The following RYR2 variants were observed in gnomAD, a reference collection of about 807,000 sequenced individuals.
The protein encoded by RYR2 is cardiac muscle ryanodine receptor-calcium release channel.
A neutral mutation model predicts 601.1 loss-of-function variants in RYR2; 227 were observed. The ratio of observed to expected loss-of-function variants is 0.38; its 90% CI spans 0.34 to 0.42. RYR2 has a LOEUF of 0.42. RYR2 is among the 10% of genes least tolerant of loss of function. RYR2 has a pLI of 1.00. For missense variants in RYR2, 4,646 were observed against 6,156.5 expected (o/e 0.75, Z 8.21); for synonymous variants, 2,223 against 2,175.1 (o/e 1.02, Z -0.61).
chr1:237,599,110 TAGTG>T (rs1676213142), intron 34 of RYR2, among the ~76,000 whole-genome samples: 1 of 152,192 alleles, frequency 6.6e-6, no homozygotes, highest in Non-Finnish European at 1.5e-5. Context: ...AGCAGATTAA[TAGTG>T]AGTGAGGAAA....
intron 1 of RYR2, among the ~76,000 whole-genome samples, chr1:237,237,300 A>C (rs901826899): frequency 6.6e-6 from 1 of 152,202 alleles, no homozygotes; most frequent in African/African-American, 2.4e-5. Context: ...GTTATTTACT[A>C]CAGTGTTCCT....
chr1:237,072,021 C>T (rs1448285613), intron 1 of RYR2, among the ~76,000 whole-genome samples: 2 of 152,222 alleles, frequency 1.3e-5, no homozygotes, highest in African/African-American at 2.4e-5. Flanking sequence ...AGGGAGCAGG[C>T]ACTTCTGACC....
chr1:237,488,748 A>G (rs1572555186), intron 17 of RYR2, among the ~76,000 whole-genome samples: 1 of 152,016 alleles, frequency 6.6e-6, no homozygotes, highest in African/African-American at 2.4e-5. Flanking sequence ...TGTACTTTGT[A>G]CACCTACCCC....
At chr1:237,710,358 T>C (rs1465831735) in intron 70 of RYR2, among the ~76,000 whole-genome samples, 1 of 152,174 alleles carries the variant, frequency 6.6e-6, no homozygotes, top group Non-Finnish European at 1.5e-5. Context: ...ATCTTACCAG[T>C]TTACTTAATC....
At chr1:237,429,057 G>T (rs1706511069) in intron 12 of RYR2, among the ~76,000 whole-genome samples, 1 of 152,066 alleles carries the variant, frequency 6.6e-6, no homozygotes, top group South Asian at 2.1e-4. Flanking sequence ...GACTTGAGCG[G>T]GACTGGGAAC....
At chr1:237,668,808 C>T (rs944088035) in intron 58 of RYR2, among the ~76,000 whole-genome samples, 1 of 152,132 alleles carries the variant, frequency 6.6e-6, no homozygotes, top group African/African-American at 2.4e-5. Context: ...GCACCAAGCA[C>T]TAGGAAACAG....
At chr1:237,469,269 A>AAC in intron 17 of RYR2, 82 bp downstream of exon 17, 1 of 796,968 alleles carries the variant, frequency 1.3e-6, no homozygotes, top group Non-Finnish European at 1.8e-6. Flanking sequence ...AAAAAAAAAA[A>AAC]AAAAAAAAAA....
intron 1 of RYR2, among the ~76,000 whole-genome samples, chr1:237,071,917 C>T (rs1051723623): frequency 3.9e-5 from 6 of 152,240 alleles, no homozygotes; most frequent in Admixed American, 6.5e-5. Flanking sequence ...CTGCCTTGAG[C>T]GTGGGTATAC....
chr1:237,737,933 C>T (rs1691289168), intron 79 of RYR2, among the ~76,000 whole-genome samples: 1 of 152,186 alleles, frequency 6.6e-6, no homozygotes, highest in South Asian at 2.1e-4. Context: ...CAGTGATTTG[C>T]TTGATAACCC....
chr1:237,404,343 T>C (rs1047263481), intron 10 of RYR2, among the ~76,000 whole-genome samples: 4 of 152,216 alleles, frequency 2.6e-5, no homozygotes, highest in Admixed American at 2.0e-4. Flanking sequence ...ATGGTGGTTC[T>C]TGCATGGTCT....
chr1:237,497,848 G>T (rs1664235205), intron 20 of RYR2, among the ~76,000 whole-genome samples: 1 of 151,852 alleles, frequency 6.6e-6, no homozygotes, highest in African/African-American at 2.4e-5. Flanking sequence ...GCTGTATTTT[G>T]ATTTTTTGTG....
At chr1:237,399,827 A>T (rs1703185261) in intron 10 of RYR2, among the ~76,000 whole-genome samples, 1 of 152,124 alleles carries the variant, frequency 6.6e-6, no homozygotes, top group African/African-American at 2.4e-5. Flanking sequence ...GGGTATAGGT[A>T]ACCAAGTGAA....
At chr1:237,474,772 C>T (rs548632056) in intron 17 of RYR2, among the ~76,000 whole-genome samples, 1 of 152,250 alleles carries the variant, frequency 6.6e-6, no homozygotes, top group African/African-American at 2.4e-5. Flanking sequence ...AGGCTGCAGC[C>T]ATCTGCCAGC....
chr1:237,631,613 A>ATTTTTTTTCTTTTTTTT (rs1680264532), intron 42 of RYR2, 72 bp downstream of exon 42: 1 of 191,274 alleles, frequency 5.2e-6, no homozygotes, highest in African/African-American at 6.8e-5. Context: ...TAGAATGCAG[A>ATTTTTTTTCTTTTTTTT]TTTTTTTTTT....
chr1:237,210,116 G>C (rs1219050506), intron 1 of RYR2, among the ~76,000 whole-genome samples: 1 of 151,674 alleles, frequency 6.6e-6, no homozygotes, highest in Non-Finnish European at 1.5e-5. Flanking sequence ...TGCATATATT[G>C]TTCTTTTATT....
intron 10 of RYR2, among the ~76,000 whole-genome samples, chr1:237,416,761 C>CAGAGAGAGAGAGAGAGAGAGAG (rs572524939): frequency 6.8e-6 from 1 of 147,090 alleles, no homozygotes; most frequent in African/African-American, 2.5e-5. Context: ...CACACACACA[C>CAGAGAGAGAGAGAGAGAGAGAG]ACAGAGAGAG....
intron 24 of RYR2, among the ~76,000 whole-genome samples, chr1:237,514,151 T>G (rs1181093872): frequency 6.6e-6 from 1 of 152,232 alleles, no homozygotes; most frequent in African/African-American, 2.4e-5. Context: ...AGCTCATTAT[T>G]TCTTCATCTT....
In RYR2 at chr1:237,585,492, G is replaced by A. The variant is rs189254108; in HGVS notation, c.3599-4301G>A. On this transcript the variant is annotated intron_variant, in intron 29 of 104. Transcript: ENST00000366574. ...TACTGAACAAAGGGAGGTGACGGAG[G>A]CCTGGCCCTTTCTCTGTGTGGCAGC... is the stretch of plus-strand genomic sequence containing the variant. Among the ~76,000 whole-genome samples, 4 of 152,238 alleles carry A rather than the reference G, an allele frequency of 2.6e-5. No individual in the cohort carries two copies. The East Asian group carries it at 5.8e-4, about 22-fold the overall frequency.
chr1:237,547,162 C>T (rs1195074399), intron 25 of RYR2, among the ~76,000 whole-genome samples: 1 of 151,572 alleles, frequency 6.6e-6, no homozygotes. Context: ...CCCGCCACCA[C>T]ACCTTGCTAA....
Sources: gnomAD v4.1 joint callset for allele counts (sites outside exome capture counted in the v4.1 genomes callset) on GRCh38, gnomAD v4.1.1 for gene constraint, MANE v1.5 for transcripts, NCBI Gene and HGNC (gene_info 2026-07-23, HGNC 2026-07-21) for gene names.